The following KLHL24 variants were observed in gnomAD, a reference collection of about 807,000 sequenced individuals.
KLHL24 encodes the protein kelch-like protein 24.
In KLHL24, 29 loss-of-function variants were observed where a neutral mutation model predicts 53.4. That is an observed-to-expected ratio of 0.54 (90% CI 0.40 to 0.74). KLHL24 has a LOEUF of 0.74. KLHL24 is among the 30% of genes least tolerant of loss of function. The pLI is 0.00. For synonymous variants in KLHL24, 222 were observed against 253.7 expected, an observed-to-expected ratio of 0.88 and a Z score of 1.19; for missense variants, 504 against 744.0, an observed-to-expected ratio of 0.68 and a Z score of 3.75.
At position 183,650,946 on chromosome 3, in the gene KLHL24, A is replaced by T. The variant is rs116961268; in HGVS notation, c.590A>T (p.Asp197Val). 22 of 1,614,214 alleles carry T rather than the reference A, an allele frequency of 1.4e-5. No individual in the cohort carries two copies. The African/African-American group carries it at 1.7e-4, about 13-fold the overall frequency. ...CKNFALQTFE[D>V]VSQHEEFLEL... The stretch of plus-strand genomic sequence containing the variant: ...AATTTTGCGTTACAGACTTTTGAGG[A>T]TGTATCCCAGCACGAAGAATTTCTT... Residue 197 changes from aspartate to valine, a missense_variant, in exon 3 of 8, where the codon GAT (aspartate) becomes GTT (valine). Transcript: ENST00000242810. The surrounding 1 kb of genome is among the most constrained non-coding windows in gnomAD (Gnocchi z 4.5).
At chr3:183,670,408 TAA>T (rs1219883767) in intron 5 of KLHL24, among the ~76,000 whole-genome samples, 1 of 152,236 alleles carries the variant, frequency 6.6e-6, no homozygotes, top group Non-Finnish European at 1.5e-5. Context: ...ACCTGTCATA[TAA>T]AGATACTAAT....
intron 3 of KLHL24, among the ~76,000 whole-genome samples, chr3:183,656,037 CTT>C (rs760140064): frequency 4.4e-5 from 4 of 90,886 alleles, no homozygotes; most frequent in South Asian, 3.5e-4. Context: ...CCCTTAGCAT[CTT>C]TTTTTTTTTT....
intron 7 of KLHL24, among the ~76,000 whole-genome samples, chr3:183,676,258 G>A (rs1240010643): frequency 6.6e-6 from 1 of 152,186 alleles, no homozygotes; most frequent in Non-Finnish European, 1.5e-5. Flanking sequence ...ACCACACCCA[G>A]CTAATTTTTG....
chr3:183,641,694 G>A (rs764385202), intron 1 of KLHL24, among the ~76,000 whole-genome samples: 20 of 152,058 alleles, frequency 1.3e-4, no homozygotes, highest in South Asian at 8.3e-4. Flanking sequence ...TAGTCAGGAT[G>A]TTGTTGGTTC....
chr3:183,646,411 C>A (rs1056504817), intron 2 of KLHL24, among the ~76,000 whole-genome samples: 3 of 151,572 alleles, frequency 2.0e-5, no homozygotes, highest in African/African-American at 7.3e-5. Context: ...TGACTCTCCA[C>A]CCTAGTGATT....
chr3:183,671,320 G>A (rs185598178), intron 6 of KLHL24, 98 bp downstream of exon 6: 34 of 1,054,590 alleles, frequency 3.2e-5, no homozygotes, highest in Non-Finnish European at 4.1e-5. Flanking sequence ...TAGTGTGAGG[G>A]GTCTTTTAAA....
At position 183,663,404 on chromosome 3, in the gene KLHL24, A is replaced by T; in HGVS notation, c.921-54A>T. 1.1e-6 allele frequency: 1 copy of T among 950,792 alleles called. No homozygotes were observed. The highest frequency in any genetic ancestry group is 1.5e-6 in the Non-Finnish European group (1 of 684,114). The allele number at this position is 950,792 out of a possible 1,614,324, so 58.9% of individuals were successfully genotyped here. A position where few individuals can be genotyped will look rare whatever the true frequency, so the allele number is the denominator to read the frequency against. ...AGTTTTAAGAAAAAATCTGGAGTAT[A>T]TTTTAATGTAATATTATTATATTAT... On this transcript the variant is annotated intron_variant, in intron 3 of 7. Transcript: ENST00000242810. The surrounding 1 kb of genome is among the most constrained non-coding windows in gnomAD (Gnocchi z 4.9).
intron 5 of KLHL24, 86 bp downstream of exon 5, chr3:183,665,125 G>T: frequency 1.4e-6 from 1 of 704,646 alleles, no homozygotes; most frequent in Non-Finnish European, 2.5e-6. Flanking sequence ...CTCACCCTCT[G>T]GGTATTTTGG....
At chr3:183,652,272 C>T (rs970736682) in intron 3 of KLHL24, among the ~76,000 whole-genome samples, 2 of 151,986 alleles carry the variant, frequency 1.3e-5, no homozygotes, top group African/African-American at 2.4e-5. Context: ...AAATACTTAT[C>T]GATTTTAATT....
rs542241717 is a variant in KLHL24, at chr3:183,655,433, C to T, written c.920+4157C>T. On this transcript the variant is annotated intron_variant, in intron 3 of 7. Transcript: ENST00000242810. ...TTGAGCCCAGGAGTTTAAGACCAGT[C>T]TGGGCAACATAATGACACCCTGTTC... is the stretch of plus-strand genomic sequence containing the variant. Among the ~76,000 whole-genome samples the T allele has an allele frequency of 2.0e-5, 3 of 151,966 alleles. No individual in the cohort carries two copies. In the South Asian group the frequency reaches 6.3e-4, roughly 32 times the overall value.
At chr3:183,677,531 A>G (rs1198040753) in intron 7 of KLHL24, among the ~76,000 whole-genome samples, 1 of 152,194 alleles carries the variant, frequency 6.6e-6, no homozygotes, top group African/African-American at 2.4e-5. Flanking sequence ...GTATCCTTCT[A>G]TTATATAAAG....
chr3:183,655,886 G>A lies in KLHL24; in HGVS notation c.920+4610G>A, dbSNP rs1010704606. On this transcript the variant is annotated intron_variant, in intron 3 of 7. Transcript: ENST00000242810. ...GCAGAGATTGCAGTGAGCCGAGATC[G>A]CGCCACTGTACTCCAGCCTGGCAAC... 3.3e-5 allele frequency among the ~76,000 whole-genome samples: 5 copies of A among 151,818 alleles called. No individual in the cohort carries two copies. The East Asian group carries it at 5.8e-4, about 18-fold the overall frequency.
intron 1 of KLHL24, chr3:183,636,158 C>A (rs1243713980): frequency 6.6e-6 from 1 of 152,544 alleles, no homozygotes; most frequent in African/African-American, 2.4e-5. Flanking sequence ...GGGGAGGCGG[C>A]TGGGCAGACG....
intron 1 of KLHL24, chr3:183,636,506 G>T (rs918442348): frequency 2.2e-4 from 34 of 152,344 alleles, no homozygotes; most frequent in Non-Finnish European, 4.4e-4. Flanking sequence ...CGCCGGCGCA[G>T]TCCCCGCCTA....
In KLHL24 at chr3:183,651,031, AGAGGAGATGGTT is replaced by A; in HGVS notation, c.676_687del (p.Glu226_Val229del). On this transcript the variant is annotated inframe_deletion, in exon 3 of 8. Coordinates refer to ENST00000242810, the MANE Select transcript of KLHL24 (RefSeq NM_017644.3). ...GTAGTGATGAACTTGTTATTGGTAAAGAGGAGATGGTTTTTGAAGCCGTCATGCGTTGGGTCT... is the reference window on the plus strand; with the variant it reads ...GTAGTGATGAACTTGTTATTGGTAAATTTGAAGCCGTCATGCGTTGGGTCT... 1 of 1,614,210 alleles carries A rather than the reference AGAGGAGATGGTT, an allele frequency of 6.2e-7. No individual in the cohort carries two copies. Among genetic ancestry groups the A allele is most frequent in the Non-Finnish European group, 8.5e-7 (1 of 1,180,026 alleles).
At chr3:183,672,073 A>G (rs370197662) in intron 6 of KLHL24, among the ~76,000 whole-genome samples, 1 of 152,256 alleles carries the variant, frequency 6.6e-6, no homozygotes, top group Admixed American at 6.5e-5. Flanking sequence ...TCTAGAAACA[A>G]TCTGTGTGTT....
At chr3:183,673,572 C>G (rs978649572) in intron 7 of KLHL24, among the ~76,000 whole-genome samples, 1 of 152,054 alleles carries the variant, frequency 6.6e-6, no homozygotes, top group Non-Finnish European at 1.5e-5. Flanking sequence ...GTATTCTAAC[C>G]GGAGCCCTAC....
At chr3:183,646,592 G>A (rs149586959) in intron 2 of KLHL24, among the ~76,000 whole-genome samples, 2 of 152,058 alleles carry the variant, frequency 1.3e-5, no homozygotes, top group African/African-American at 4.8e-5. Flanking sequence ...TTATAGCCAG[G>A]TATTTTTCCC....
At chr3:183,652,834 G>A (rs1405042860) in intron 3 of KLHL24, among the ~76,000 whole-genome samples, 1 of 152,104 alleles carries the variant, frequency 6.6e-6, no homozygotes, top group Non-Finnish European at 1.5e-5. Context: ...CTTTTTCCAA[G>A]ACAAATACCC....
Sources: gnomAD v4.1 joint callset for allele counts (sites outside exome capture counted in the v4.1 genomes callset) on GRCh38, gnomAD v4.1.1 for gene constraint, Gnocchi (gnomAD v3.1) non-coding constraint, MANE v1.5 for transcripts, NCBI Gene and HGNC (gene_info 2026-07-23, HGNC 2026-07-21) for gene names.